The following FMN1 variants were observed in gnomAD, a reference collection of about 807,000 sequenced individuals.
FMN1 encodes formin 1, also known as formin-1.
A neutral mutation model predicts 132.4 loss-of-function variants in FMN1; 110 were observed. The observed-to-expected ratio is 0.83, with a 90% CI of 0.71 to 0.97. The LOEUF (loss-of-function observed/expected upper bound fraction) is 0.97, where lower values mean the gene tolerates loss of function less well. FMN1 is among the 50% of genes least tolerant of loss of function. The pLI is 0.00. For missense variants in FMN1, 1,792 were observed against 1,705.3 expected (o/e 1.05, Z -0.90); for synonymous variants, 722 against 651.7 (o/e 1.11, Z -1.64).
At chr15:33,042,075 A>C (rs1303647294) in intron 6 of FMN1, among the ~76,000 whole-genome samples, 1 of 152,170 alleles carries the variant, frequency 6.6e-6, no homozygotes, top group African/African-American at 2.4e-5. Context: ...GCTAGAACTA[A>C]TAAGAGCATA....
intron 7 of FMN1, among the ~76,000 whole-genome samples, chr15:32,991,724 A>C (rs2033447626): frequency 6.6e-6 from 1 of 152,164 alleles, no homozygotes; most frequent in African/African-American, 2.4e-5. Flanking sequence ...AGACACCGTA[A>C]TTTATTATCA....
At chr15:32,943,641 A>C (rs536226122) in intron 9 of FMN1, among the ~76,000 whole-genome samples, 1 of 152,230 alleles carries the variant, frequency 6.6e-6, no homozygotes, top group Non-Finnish European at 1.5e-5. Flanking sequence ...TGTTTCACTT[A>C]TTCAAGGGCT....
intron 5 of FMN1, chr15:33,067,203 GCT>G (rs2037778876): frequency 6.2e-7 from 1 of 1,613,386 alleles, no homozygotes; most frequent in Non-Finnish European, 8.5e-7. Flanking sequence ...CTGGGGCGAC[GCT>G]CTGTCTGAAG....
Position 32,857,063 on chromosome 15 carries a change from CCT to C in FMN1, c.3878_3879del (p.Lys1293ArgfsTer22). The C allele has an allele frequency of 6.2e-7, 1 of 1,613,952 alleles. No individual in the cohort carries two copies. ...TTGTCCTTGAAAGGCTGGAGATACT[CCT>C]TTGGGGACTCCTTGCACACCACCAC... ...QMVVVCKESPKEYLQPFKDKL... is the reference protein window; with the variant it reads ...QMVVVCKESPXEYLQPFKDKL... On this transcript the variant is annotated frameshift_variant, in exon 17 of 21. Transcript: ENST00000616417. LOFTEE classifies it high-confidence loss of function.
intron 6 of FMN1, among the ~76,000 whole-genome samples, chr15:33,017,287 G>T (rs913749080): frequency 6.6e-6 from 1 of 152,098 alleles, no homozygotes; most frequent in Non-Finnish European, 1.5e-5. Flanking sequence ...TCAGTACAGA[G>T]CCAATTCTAA....
intron 6 of FMN1, among the ~76,000 whole-genome samples, chr15:33,024,665 A>G (rs2035583652): frequency 6.6e-6 from 1 of 152,210 alleles, no homozygotes; most frequent in South Asian, 2.1e-4. Flanking sequence ...CATTTTGACA[A>G]TATCTACCAA....
chr15:33,043,791 T>A (rs1228682833), intron 6 of FMN1, among the ~76,000 whole-genome samples: 1 of 152,164 alleles, frequency 6.6e-6, no homozygotes, highest in Non-Finnish European at 1.5e-5. Flanking sequence ...CCACCCCTTC[T>A]AAGTTGGCAG....
chr15:33,080,399 T>C (rs1191762890), intron 5 of FMN1, among the ~76,000 whole-genome samples: 1 of 152,198 alleles, frequency 6.6e-6, no homozygotes, highest in Non-Finnish European at 1.5e-5. Flanking sequence ...TTTTTCTTTG[T>C]GTTAACCACT....
chr15:32,968,239 C>T (rs2031430115), intron 8 of FMN1, among the ~76,000 whole-genome samples: 1 of 152,180 alleles, frequency 6.6e-6, no homozygotes, highest in African/African-American at 2.4e-5. Context: ...AGCCATGTCT[C>T]ATTCTTTTAA....
At chr15:33,126,312 G>C (rs573876838) in intron 4 of FMN1, among the ~76,000 whole-genome samples, 24 of 152,248 alleles carry the variant, frequency 1.6e-4, no homozygotes, top group African/African-American at 5.5e-4. Context: ...CTCATGGATG[G>C]GCAACAGTCT....
intron 7 of FMN1, among the ~76,000 whole-genome samples, chr15:33,003,209 G>A (rs1192026898): frequency 2.6e-5 from 4 of 152,188 alleles, no homozygotes; most frequent in Non-Finnish European, 5.9e-5. Flanking sequence ...AGGGCAATTA[G>A]ACAGGAGAAG....
chr15:33,016,533 A>C (rs1190508513), intron 6 of FMN1, among the ~76,000 whole-genome samples: 1 of 152,144 alleles, frequency 6.6e-6, no homozygotes, highest in African/African-American at 2.4e-5. Context: ...GAAACAGTGG[A>C]GGTAGATTCA....
At chr15:32,902,061 C>G (rs189981857) in intron 12 of FMN1, 21 bp from the exon 13 acceptor site, 2 of 1,598,546 alleles carry the variant, frequency 1.3e-6, no homozygotes, top group African/African-American at 2.7e-5. Flanking sequence ...GAAAATGTGT[C>G]ATCTACCTTC....
At chr15:33,167,552 C>A (rs1374180696) in intron 3 of FMN1, among the ~76,000 whole-genome samples, 1 of 152,132 alleles carries the variant, frequency 6.6e-6, no homozygotes, top group Non-Finnish European at 1.5e-5. Flanking sequence ...TACAGTTGAC[C>A]TTTGACCAAA....
chr15:32,847,751 A>G (rs911565489), intron 17 of FMN1, among the ~76,000 whole-genome samples: 1 of 152,134 alleles, frequency 6.6e-6, no homozygotes, highest in African/African-American at 2.4e-5. Context: ...GCTACTCGGG[A>G]GGCTAAGGCA....
intron 17 of FMN1, among the ~76,000 whole-genome samples, chr15:32,810,272 G>C (rs887286609): frequency 6.6e-6 from 1 of 152,188 alleles, no homozygotes; most frequent in African/African-American, 2.4e-5. Context: ...CATGTTAGCA[G>C]AACACAGTCC....
At chr15:33,084,228 T>C (rs1037920501) in intron 5 of FMN1, among the ~76,000 whole-genome samples, 3 of 152,188 alleles carry the variant, frequency 2.0e-5, no homozygotes, top group African/African-American at 7.2e-5. Flanking sequence ...TTGCCCCAAA[T>C]TCTCTCTTGT....
rs568824557 is a variant in FMN1 at position 33,120,746 on chromosome 15, T to C, written c.1868-31772A>G. Among the ~76,000 whole-genome samples the C allele has an allele frequency of 1.9e-3, 285 of 152,248 alleles. 2 individuals are homozygous for C. The highest frequency in any genetic ancestry group is 6.6e-3 in the African/African-American group (276 of 41,532). On this transcript the variant is annotated intron_variant, in intron 4 of 20. Transcript: ENST00000616417. ...GACATATATATAAGATATGGAAAAA[T>C]TTATTCTACCTATTACCCTTTTACT...
Position 32,911,848 on chromosome 15 carries a change from G to GA in FMN1, c.3227-1314dup, listed in dbSNP as rs2060569301. Among the ~76,000 whole-genome samples the GA allele has an allele frequency of 2.6e-5, 4 of 151,984 alleles. No individual in the cohort carries two copies. In the South Asian group the frequency reaches 8.4e-4, roughly 32 times the overall value. Reference sequence around the variant, plus strand: ...CAAAGGCCAATGTGAAACCAGTAAAGAAAAATGCAGTTTAAGGACAGAAAG... The same window carrying GA: ...CAAAGGCCAATGTGAAACCAGTAAAGAAAAAATGCAGTTTAAGGACAGAAAG... On this transcript the variant is annotated intron_variant, in intron 10 of 20. Transcript: ENST00000616417.
Sources: gnomAD v4.1 joint callset for allele counts (sites outside exome capture counted in the v4.1 genomes callset) on GRCh38, gnomAD v4.1.1 for gene constraint, MANE v1.5 for transcripts, NCBI Gene and HGNC (gene_info 2026-07-23, HGNC 2026-07-21) for gene names.